DSCAM: variants seen among roughly 807,000 people sequenced by gnomAD.
The protein encoded by DSCAM is cell adhesion molecule DSCAM.
Under a neutral mutation model 217.7 loss-of-function variants are expected in DSCAM, and 47 were observed. That is an observed-to-expected ratio of 0.22 (90% CI 0.17 to 0.28). DSCAM has a LOEUF of 0.28. DSCAM is among the 10% of genes least tolerant of loss of function. The pLI is 1.00. For missense variants in DSCAM, 2,080 were observed against 2,618.3 expected (o/e 0.79, Z 4.49); for synonymous variants, 1,056 against 1,015.3 (o/e 1.04, Z -0.76).
intron 3 of DSCAM, among the ~76,000 whole-genome samples, chr21:40,637,185 A>G (rs1389158772): frequency 5.0e-5 from 1 of 19,874 alleles, no homozygotes; most frequent in Non-Finnish European, 8.2e-5. Context: ...ATAAATATAT[A>G]TAAATATAAA....
At chr21:40,492,604 A>G (rs1445168740) in intron 3 of DSCAM, among the ~76,000 whole-genome samples, 4 of 152,110 alleles carry the variant, frequency 2.6e-5, no homozygotes, top group African/African-American at 9.7e-5. Flanking sequence ...GAAAAATGCA[A>G]TAAAGGTCAT....
chr21:40,559,935 G>A (rs2076706094), intron 3 of DSCAM, among the ~76,000 whole-genome samples: 1 of 151,842 alleles, frequency 6.6e-6, no homozygotes, highest in Non-Finnish European at 1.5e-5. Flanking sequence ...TGGGGCTACA[G>A]GCGCCCAACT....
rs140163223 is a variant in DSCAM at position 40,158,294 on chromosome 21, G to A, written c.3018+8924C>T. ...AGTCCCAGCTACTCAGGAGGCTGAG[G>A]TAGGAGGATCACATGAGCCTGGAAG... On this transcript the variant is annotated intron_variant, in intron 16 of 32. Transcript: ENST00000400454. Among the ~76,000 whole-genome samples the A allele has an allele frequency of 2.3e-3, 348 of 152,256 alleles. 2 individuals are homozygous for A. Among genetic ancestry groups the A allele is most frequent in the African/African-American group, 8.0e-3 (331 of 41,558 alleles).
intron 11 of DSCAM, among the ~76,000 whole-genome samples, chr21:40,267,896 C>CAAA (rs112636145): frequency 0.012 from 1,778 of 151,212 alleles, 35 homozygotes; most frequent in African/African-American, 0.04. Flanking sequence ...AACTCCACCT[C>CAAA]AAAAAAAGAA....
intron 12 of DSCAM, among the ~76,000 whole-genome samples, 200 bp downstream of exon 12, chr21:40,188,842 T>G (rs1951156347): frequency 6.6e-6 from 1 of 151,772 alleles, no homozygotes. Context: ...AATAACCCTA[T>G]TCTTAATAAC....
At chr21:40,191,141 C>T (rs796658964) in intron 11 of DSCAM, among the ~76,000 whole-genome samples, 25 of 152,242 alleles carry the variant, frequency 1.6e-4, no homozygotes, top group African/African-American at 6.0e-4. Flanking sequence ...CTAAGACTGG[C>T]ACATACTGGG....
In DSCAM at chr21:40,563,085, G is replaced by A. The variant is rs571804292; in HGVS notation, c.508+129725C>T. On this transcript the variant is annotated intron_variant, in intron 3 of 32. Transcript: ENST00000400454. The stretch of plus-strand genomic sequence containing the variant: ...CCCTAAGAAAAGCTTACACAGAAGT[G>A]GAAGACAGTTTATTATCTAGGAGAG... Among the ~76,000 whole-genome samples, 3 of 150,852 alleles carry A rather than the reference G, an allele frequency of 2.0e-5. No individual in the cohort carries two copies. In the Admixed American group the frequency reaches 2.0e-4, roughly 10 times the overall value.
intron 11 of DSCAM, among the ~76,000 whole-genome samples, chr21:40,195,241 C>G (rs768304214): frequency 2.6e-5 from 4 of 152,210 alleles, no homozygotes; most frequent in Non-Finnish European, 5.9e-5. Context: ...TGGTTCCAAA[C>G]TTTACTCTCA....
intron 3 of DSCAM, among the ~76,000 whole-genome samples, chr21:40,667,449 T>C (rs1039083207): frequency 1.3e-5 from 2 of 152,328 alleles, no homozygotes; most frequent in African/African-American, 4.8e-5. Context: ...GTGGAATGTC[T>C]GTTGAAAATA....
chr21:40,203,769 T>C (rs1180511552), intron 11 of DSCAM, among the ~76,000 whole-genome samples: 1 of 152,248 alleles, frequency 6.6e-6, no homozygotes, highest in African/African-American at 2.4e-5. Flanking sequence ...GGTTTTCTAA[T>C]TACATTGTAC....
At chr21:40,290,119 T>C (rs2073872861) in intron 10 of DSCAM, among the ~76,000 whole-genome samples, 1 of 151,680 alleles carries the variant, frequency 6.6e-6, no homozygotes, top group Admixed American at 6.6e-5. Flanking sequence ...AGAGAGAAAA[T>C]GACAGCTACA....
At chr21:40,687,430 G>C (rs752784080) in intron 3 of DSCAM, among the ~76,000 whole-genome samples, 2 of 152,056 alleles carry the variant, frequency 1.3e-5, no homozygotes, top group African/African-American at 4.8e-5. Flanking sequence ...GCTCAGTGAG[G>C]AGCAATAAAA....
At chr21:40,147,802 T>G (rs944477321) in intron 16 of DSCAM, among the ~76,000 whole-genome samples, 2 of 152,230 alleles carry the variant, frequency 1.3e-5, no homozygotes, top group Admixed American at 1.3e-4. Context: ...TCTTTAAATA[T>G]CATATTCCAT....
chr21:40,437,373 A>T (rs1422392902), intron 3 of DSCAM, among the ~76,000 whole-genome samples: 2 of 152,196 alleles, frequency 1.3e-5, no homozygotes, highest in African/African-American at 2.4e-5. Context: ...TACTACTAAT[A>T]ATAGTAATAA....
At chr21:40,423,750 G>A (rs139575417) in intron 3 of DSCAM, among the ~76,000 whole-genome samples, 7 of 152,196 alleles carry the variant, frequency 4.6e-5, no homozygotes, top group East Asian at 1.9e-4. Flanking sequence ...ATTCGCTGCC[G>A]GTAACTCAGA....
intron 3 of DSCAM, among the ~76,000 whole-genome samples, chr21:40,597,089 A>G (rs2077026778): frequency 6.6e-6 from 1 of 152,178 alleles, no homozygotes; most frequent in Non-Finnish European, 1.5e-5. Flanking sequence ...AACCCAATTA[A>G]TTTATCACAT....
intron 3 of DSCAM, among the ~76,000 whole-genome samples, chr21:40,471,627 G>A (rs1372028986): frequency 6.6e-6 from 1 of 152,082 alleles, no homozygotes; most frequent in Non-Finnish European, 1.5e-5. Flanking sequence ...CCTGCCCAAG[G>A]ACACGCAGCT....
intron 1 of DSCAM, among the ~76,000 whole-genome samples, chr21:40,727,219 C>T (rs2090964748): frequency 6.6e-6 from 1 of 152,140 alleles, no homozygotes; most frequent in South Asian, 2.1e-4. Flanking sequence ...GAGTCTCAAA[C>T]ACGCAAGACT....
chr21:40,534,967 G>A (rs2076483917), intron 3 of DSCAM, among the ~76,000 whole-genome samples: 1 of 152,152 alleles, frequency 6.6e-6, no homozygotes, highest in Non-Finnish European at 1.5e-5. Context: ...CTTGGGGCAA[G>A]AGGATGGACT....
Sources: gnomAD v4.1 joint callset for allele counts (sites outside exome capture counted in the v4.1 genomes callset) on GRCh38, gnomAD v4.1.1 for gene constraint, MANE v1.5 for transcripts, NCBI Gene and HGNC (gene_info 2026-07-23, HGNC 2026-07-21) for gene names.